TPRG1: variants seen among roughly 807,000 people sequenced by gnomAD.
TPRG1 encodes tumor protein p63 regulated 1, also known as tumor protein p63-regulated gene 1 protein.
In TPRG1, 29 loss-of-function variants were observed where a neutral mutation model predicts 29.3. That is an observed-to-expected ratio of 0.99 (90% CI 0.74 to 1.35). TPRG1 has a LOEUF of 1.35. Among genes scored for constraint, TPRG1 ranks in the 40% most tolerant of loss-of-function variants. The pLI, the probability that TPRG1 is intolerant of heterozygous loss-of-function variation, is 0.00. For synonymous variants in TPRG1, 130 were observed against 116.8 expected, an observed-to-expected ratio of 1.11 and a Z score of -0.73; for missense variants, 327 against 335.0, an observed-to-expected ratio of 0.98 and a Z score of 0.19.
rs189167226 is a variant in TPRG1, at chr3:189,266,052, T to C, written c.479+27143T>C. On this transcript the variant is annotated intron_variant, in intron 4 of 5. Coordinates refer to ENST00000345063, the MANE Select transcript of TPRG1 (RefSeq NM_198485.4). Reference sequence around the variant, plus strand: ...GCAGTTTCATTTGGTGTAATGTTCATGTTGTTTAGAAGTCCACGGGCCATG... The same window carrying C: ...GCAGTTTCATTTGGTGTAATGTTCACGTTGTTTAGAAGTCCACGGGCCATG... Among the ~76,000 whole-genome samples the C allele has an allele frequency of 1.4e-3, 213 of 152,298 alleles. 1 individual carries two copies. Among genetic ancestry groups the C allele is most frequent in the African/African-American group, 4.9e-3 (205 of 41,574 alleles).
In TPRG1 at chr3:189,021,903, C is replaced by A. The variant is rs570818052; in HGVS notation, c.-659-1847C>A. 1.3e-5 allele frequency among the ~76,000 whole-genome samples: 2 copies of A among 152,246 alleles called. 1 individual carries two copies. The highest frequency in any genetic ancestry group is 4.1e-4 in the South Asian group (2 of 4,820). ...GTAGATTTGGTCTTTTCACATAGTC[C>A]CATATCTCTTGGAGGCTTTGCTCGT... On this transcript the variant is annotated intron_variant, in intron 3 of 10. Coordinates refer to the TPRG1 transcript ENST00000433971.
chr3:189,092,979 A>G (rs946382756), intron 4 of TPRG1, among the ~76,000 whole-genome samples: 6 of 150,216 alleles, frequency 4.0e-5, no homozygotes, highest in African/African-American at 1.5e-4. Context: ...AGCATGATTT[A>G]TCTTTATTCT....
At chr3:189,256,623 T>G (rs1409041582) in intron 4 of TPRG1, among the ~76,000 whole-genome samples, 3 of 152,172 alleles carry the variant, frequency 2.0e-5, no homozygotes. Context: ...TCTCCCACTA[T>G]TATTGTGTGG....
intron 5 of TPRG1, among the ~76,000 whole-genome samples, chr3:189,151,390 G>A (rs1294329364): frequency 3.9e-5 from 6 of 152,136 alleles, no homozygotes; most frequent in Non-Finnish European, 2.9e-5. Context: ...TATCAGAGAC[G>A]TATTTTGGAG....
intron 1 of TPRG1, among the ~76,000 whole-genome samples, chr3:189,114,479 C>A (rs1023059989): frequency 1.3e-5 from 2 of 152,164 alleles, no homozygotes; most frequent in African/African-American, 4.8e-5. Flanking sequence ...GACAGGGTTT[C>A]ACCATGTTGC....
At chr3:189,054,725 A>G (rs1715547583) in intron 4 of TPRG1, among the ~76,000 whole-genome samples, 1 of 152,036 alleles carries the variant, frequency 6.6e-6, no homozygotes. Context: ...GGTTATGGTG[A>G]GCTATGATTG....
chr3:189,308,612 T>C (rs1332513343), intron 4 of TPRG1, among the ~76,000 whole-genome samples: 1 of 152,224 alleles, frequency 6.6e-6, no homozygotes, highest in Non-Finnish European at 1.5e-5. Context: ...GTCCTTTTTA[T>C]AGTCACATTG....
chr3:189,308,690 G>A (rs1721994907), intron 4 of TPRG1, among the ~76,000 whole-genome samples: 1 of 152,162 alleles, frequency 6.6e-6, no homozygotes, highest in African/African-American at 2.4e-5. Context: ...TTTCCCTAAG[G>A]TAAAAGAATA....
chr3:189,065,046 G>A (rs576484230), intron 4 of TPRG1, among the ~76,000 whole-genome samples: 17 of 152,182 alleles, frequency 1.1e-4, no homozygotes, highest in African/African-American at 3.9e-4. Context: ...AAAATTAGCT[G>A]TATGTGTTGG....
intron 1 of TPRG1, among the ~76,000 whole-genome samples, chr3:189,182,763 A>T (rs912347997): frequency 7.2e-6 from 1 of 138,752 alleles, no homozygotes; most frequent in Non-Finnish European, 1.6e-5. Flanking sequence ...AGTCACTATT[A>T]TGTCATTATA....
chr3:189,240,554 A>G (rs1273104106), intron 4 of TPRG1: 1 of 152,978 alleles, frequency 6.5e-6, no homozygotes, highest in African/African-American at 2.4e-5. Context: ...GGCACATCTC[A>G]CACGGTGGCA....
chr3:189,059,702 G>A (rs990744647), intron 4 of TPRG1, among the ~76,000 whole-genome samples: 2 of 152,114 alleles, frequency 1.3e-5, no homozygotes, highest in African/African-American at 4.8e-5. Context: ...GAGGCATAGT[G>A]AGGTTAAGTA....
At chr3:189,283,158 T>C (rs199680980) in intron 4 of TPRG1, among the ~76,000 whole-genome samples, 2 of 152,228 alleles carry the variant, frequency 1.3e-5, no homozygotes, top group East Asian at 3.8e-4. Flanking sequence ...AGTTTATGTA[T>C]TAATTATTAA....
At chr3:189,207,107 C>G (rs1734512860) in intron 1 of TPRG1, 1 of 892,350 alleles carries the variant, frequency 1.1e-6, no homozygotes, top group Non-Finnish European at 1.3e-6. Flanking sequence ...TTCTCTTGTT[C>G]AGGTTCCTGT....
chr3:189,217,857 T>C (rs1317261741), intron 3 of TPRG1: 1 of 985,314 alleles, frequency 1.0e-6, no homozygotes, highest in Admixed American at 6.2e-5. Flanking sequence ...CCTTTTTGTT[T>C]GTTTGTTTGA....
At position 189,265,400 on chromosome 3, in the gene TPRG1, C is replaced by T. The variant is rs78848193; in HGVS notation, c.479+26491C>T. ...ACCCGATTTTCTTTTTCTACCTTTC[C>T]GCTTCTACATGACAATCCTGTAAAT... On this transcript the variant is annotated intron_variant, in intron 4 of 5. Coordinates refer to ENST00000345063, the MANE Select transcript of TPRG1 (RefSeq NM_198485.4). Among the ~76,000 whole-genome samples the T allele has an allele frequency of 8.8e-3, 1,342 of 152,212 alleles. 22 individuals are homozygous for T. The highest frequency in any genetic ancestry group is 0.031 in the African/African-American group (1,295 of 41,528).
intron 5 of TPRG1, chr3:189,315,589 C>T (rs1723383289): frequency 2.3e-6 from 1 of 428,172 alleles, no homozygotes; most frequent in Non-Finnish European, 4.7e-6. Flanking sequence ...TCATGATCTA[C>T]AGACCAACCA....
At chr3:189,053,333 T>A (rs971372147) in intron 4 of TPRG1, among the ~76,000 whole-genome samples, 1 of 152,212 alleles carries the variant, frequency 6.6e-6, no homozygotes, top group African/African-American at 2.4e-5. Flanking sequence ...AGAACTGATG[T>A]TTATGGTTTC....
intron 5 of TPRG1, among the ~76,000 whole-genome samples, chr3:189,319,308 G>C (rs186969156): frequency 3.6e-4 from 55 of 152,118 alleles, no homozygotes; most frequent in South Asian, 6.2e-4. Flanking sequence ...TCTCTAAGAG[G>C]ATTTCTGGTG....
Sources: gnomAD v4.1 joint callset for allele counts (sites outside exome capture counted in the v4.1 genomes callset) on GRCh38, gnomAD v4.1.1 for gene constraint, MANE v1.5 for transcripts, NCBI Gene and HGNC (gene_info 2026-07-23, HGNC 2026-07-21) for gene names.